The following LARGE1 variants were observed in gnomAD, a reference collection of about 807,000 sequenced individuals.
LARGE1 encodes xylosyl- and glucuronyltransferase LARGE1.
In LARGE1, 43 loss-of-function variants were observed where a neutral mutation model predicts 87.6. The ratio of observed to expected loss-of-function variants is 0.49; its 90% CI spans 0.38 to 0.63. The LOEUF (loss-of-function observed/expected upper bound fraction) is 0.63, where lower values mean the gene tolerates loss of function less well. LARGE1 is among the 30% of genes least tolerant of loss of function. The pLI, the probability that LARGE1 is intolerant of heterozygous loss-of-function variation, is 0.00. For synonymous variants in LARGE1, 434 were observed against 394.6 expected, an observed-to-expected ratio of 1.10 and a Z score of -1.18; for missense variants, 802 against 1,000.2, an observed-to-expected ratio of 0.80 and a Z score of 2.67.
At chr22:33,146,679 G>A in the LARGE1 span, among the ~76,000 whole-genome samples, 1 of 152,054 alleles carries the variant, frequency 6.6e-6, no homozygotes, top group African/African-American at 2.4e-5. Context: ...ACTTCCCTGA[G>A]CCTCTTGTCA....
chr22:33,256,614 A>G (rs532702785), intron 11 of LARGE1, among the ~76,000 whole-genome samples: 1 of 152,288 alleles, frequency 6.6e-6, no homozygotes, highest in African/African-American at 2.4e-5. Context: ...CATATTAATT[A>G]TTGTTCCAGT....
intron 9 of LARGE1, among the ~76,000 whole-genome samples, chr22:33,348,280 A>ACCCCCCCCCC: frequency 9.9e-6 from 1 of 100,864 alleles, no homozygotes. Flanking sequence ...TCCCCCACCC[A>ACCCCCCCCCC]CCCCCCCCCA....
chr22:33,605,706 A>G (rs545348672), intron 4 of LARGE1, among the ~76,000 whole-genome samples: 1 of 152,352 alleles, frequency 6.6e-6, no homozygotes, highest in African/African-American at 2.4e-5. Flanking sequence ...GCCATGAATG[A>G]GTACCTACTA....
intron 7 of LARGE1, among the ~76,000 whole-genome samples, chr22:33,418,788 C>G (rs1201467813): frequency 1.3e-5 from 2 of 152,144 alleles, no homozygotes; most frequent in Non-Finnish European, 2.9e-5. Flanking sequence ...GGCCGGCTCC[C>G]ATCCTATGAG....
intron 2 of LARGE1, among the ~76,000 whole-genome samples, chr22:33,697,176 T>C (rs1344655570): frequency 6.6e-6 from 1 of 152,164 alleles, no homozygotes; most frequent in African/African-American, 2.4e-5. Flanking sequence ...GGATGTTATT[T>C]TCTTTTTGAG....
At chr22:33,254,934 GAT>G (rs1491331563) in intron 11 of LARGE1, among the ~76,000 whole-genome samples, 28 of 140,644 alleles carry the variant, frequency 2.0e-4, no homozygotes, top group Non-Finnish European at 3.2e-4. Flanking sequence ...TCTACCTGTA[GAT>G]TTTTTTTTTT....
intron 1 of LARGE1, among the ~76,000 whole-genome samples, chr22:33,825,718 G>A (rs1373616881): frequency 6.6e-6 from 1 of 152,182 alleles, no homozygotes. Context: ...TTCAAGGTGA[G>A]ATTTGGGTGG....
intron 6 of LARGE1, among the ~76,000 whole-genome samples, chr22:33,523,925 A>G (rs2071740804): frequency 1.3e-5 from 2 of 152,176 alleles, no homozygotes; most frequent in South Asian, 4.1e-4. Context: ...TATGTGTTCA[A>G]GAAACCATCA....
rs750516051 is a variant in LARGE1 at position 33,274,217 on chromosome 22, C to A, written c.*210G>T. On this transcript the variant is annotated 3_prime_UTR_variant, in exon 15 of 15. Transcript: ENST00000397394. ...TCATCTAGGTGGGCTGCATAGCTAACCTCTGGGAATGCAGGGTTGTGGGGC... is the reference window on the plus strand; with the variant it reads ...TCATCTAGGTGGGCTGCATAGCTAAACTCTGGGAATGCAGGGTTGTGGGGC... The A allele has an allele frequency of 1.6e-6, 1 of 630,368 alleles. No homozygotes were observed. Among genetic ancestry groups the A allele is most frequent in the Non-Finnish European group, 2.8e-6 (1 of 353,316 alleles). The allele number at this position is 630,368 out of a possible 1,614,324, so 39.0% of individuals were successfully genotyped here.
the LARGE1 span, among the ~76,000 whole-genome samples, chr22:33,148,730 C>A: frequency 2.0e-5 from 3 of 152,082 alleles, no homozygotes; most frequent in Non-Finnish European, 2.9e-5. Flanking sequence ...GCTCTCCATC[C>A]TTGATATCAG....
intron 6 of LARGE1, among the ~76,000 whole-genome samples, chr22:33,515,823 G>T (rs1183377371): frequency 6.6e-6 from 1 of 152,132 alleles, no homozygotes; most frequent in Admixed American, 6.5e-5. Flanking sequence ...CAGGATGAGA[G>T]GTGACGAGTC....
intron 1 of LARGE1, among the ~76,000 whole-genome samples, chr22:33,896,909 C>T (rs1396906640): frequency 6.6e-6 from 1 of 152,180 alleles, no homozygotes; most frequent in Non-Finnish European, 1.5e-5. Context: ...AGAACCTTCC[C>T]CGCCGACCAG....
chr22:33,383,433 G>A (rs1269533305), intron 8 of LARGE1, among the ~76,000 whole-genome samples: 11 of 151,982 alleles, frequency 7.2e-5, no homozygotes, highest in Non-Finnish European at 1.6e-4. Flanking sequence ...GGTGCTGCAC[G>A]CCTGTAATCC....
chr22:33,573,738 A>G (rs1306118423), intron 5 of LARGE1, among the ~76,000 whole-genome samples: 1 of 152,176 alleles, frequency 6.6e-6, no homozygotes, highest in Non-Finnish European at 1.5e-5. Context: ...GTGTGTCAGG[A>G]ATCTCAGAGT....
intron 11 of LARGE1, among the ~76,000 whole-genome samples, chr22:33,314,874 T>G (rs1935986055): frequency 6.6e-6 from 1 of 152,136 alleles, no homozygotes; most frequent in East Asian, 1.9e-4. Context: ...CCTTGGGGCT[T>G]CAAATCCATT....
chr22:33,865,392 C>T (rs1568997468), intron 1 of LARGE1, among the ~76,000 whole-genome samples: 2 of 152,174 alleles, frequency 1.3e-5, no homozygotes, highest in African/African-American at 4.8e-5. Flanking sequence ...ATATTGGCGT[C>T]TTTTTCTTTT....
intron 6 of LARGE1, among the ~76,000 whole-genome samples, chr22:33,473,385 T>C (rs1266175154): frequency 6.6e-6 from 1 of 152,172 alleles, no homozygotes; most frequent in Non-Finnish European, 1.5e-5. Flanking sequence ...AGTCTCACTC[T>C]GTTGCTCAGA....
chr22:33,385,766 C>A (rs1185213896), intron 7 of LARGE1, among the ~76,000 whole-genome samples: 2 of 147,954 alleles, frequency 1.4e-5, no homozygotes, highest in Non-Finnish European at 3.0e-5. Flanking sequence ...GTGGGTGGAA[C>A]TGTAGCACCC....
chr22:33,777,922 A>G (rs2085300519), intron 1 of LARGE1, among the ~76,000 whole-genome samples: 1 of 152,208 alleles, frequency 6.6e-6, no homozygotes, highest in Non-Finnish European at 1.5e-5. Flanking sequence ...CACACAGGGT[A>G]ACACTATGCT....
Sources: gnomAD v4.1 joint callset for allele counts (sites outside exome capture counted in the v4.1 genomes callset) on GRCh38, gnomAD v4.1.1 for gene constraint, MANE v1.5 for transcripts, NCBI Gene and HGNC (gene_info 2026-07-23, HGNC 2026-07-21) for gene names.